PIP5K1B: variants seen among roughly 807,000 people sequenced by gnomAD.
The protein encoded by PIP5K1B is phosphatidylinositol-4-phosphate 5-kinase type 1 beta, also known as phosphatidylinositol 4-phosphate 5-kinase type-1 beta.
A neutral mutation model predicts 67.0 loss-of-function variants in PIP5K1B; 42 were observed. That is an observed-to-expected ratio of 0.63 (90% CI 0.49 to 0.81). The LOEUF (loss-of-function observed/expected upper bound fraction) is 0.81, where lower values mean the gene tolerates loss of function less well. PIP5K1B is among the 30% of genes least tolerant of loss of function. The pLI is 0.00. For missense variants in PIP5K1B, 459 were observed against 646.3 expected, an observed-to-expected ratio of 0.71 and a Z score of 3.14; for synonymous variants, 214 against 231.4, an observed-to-expected ratio of 0.92 and a Z score of 0.68.
At chr9:68,874,142 C>G (rs1823762281) in intron 5 of PIP5K1B, among the ~76,000 whole-genome samples, 1 of 152,126 alleles carries the variant, frequency 6.6e-6, no homozygotes, top group South Asian at 2.1e-4. Context: ...TATGATGCCT[C>G]CATTAAGTAT....
intron 8 of PIP5K1B, among the ~76,000 whole-genome samples, chr9:68,896,890 C>T (rs760876435): frequency 1.3e-5 from 2 of 152,188 alleles, no homozygotes; most frequent in Non-Finnish European, 2.9e-5. Context: ...AATGCCCATC[C>T]TCGTGATGGA....
intron 2 of PIP5K1B, among the ~76,000 whole-genome samples, chr9:68,744,879 C>A (rs550732680): frequency 2.0e-5 from 3 of 152,192 alleles, no homozygotes; most frequent in African/African-American, 2.4e-5. Flanking sequence ...AGAAAGCCCA[C>A]CAATCCATTC....
At chr9:68,932,443 C>CA (rs796187931) in intron 12 of PIP5K1B, among the ~76,000 whole-genome samples, 2 of 151,568 alleles carry the variant, frequency 1.3e-5, no homozygotes, top group African/African-American at 2.4e-5. Flanking sequence ...TACCAGTTAA[C>CA]AAAAAAAATT....
chr9:68,776,182 T>C (rs930089883), intron 2 of PIP5K1B, among the ~76,000 whole-genome samples: 1 of 152,248 alleles, frequency 6.6e-6, no homozygotes, highest in Non-Finnish European at 1.5e-5. Flanking sequence ...TTGAGGTATT[T>C]GCCAGCCCAT....
chr9:68,748,172 TA>T, intron 2 of PIP5K1B, among the ~76,000 whole-genome samples: 1 of 152,200 alleles, frequency 6.6e-6, no homozygotes, highest in Non-Finnish European at 1.5e-5. Flanking sequence ...TGCTTTCACT[TA>T]GCGTAATGTG....
At chr9:68,777,443 C>G (rs1023986322) in intron 2 of PIP5K1B, among the ~76,000 whole-genome samples, 2 of 152,148 alleles carry the variant, frequency 1.3e-5, no homozygotes, top group African/African-American at 4.8e-5. Flanking sequence ...AAGGGGCATG[C>G]AAATGTAGAC....
intron 4 of PIP5K1B, among the ~76,000 whole-genome samples, chr9:68,823,363 A>T (rs1021052189): frequency 6.6e-6 from 1 of 152,150 alleles, no homozygotes; most frequent in Non-Finnish European, 1.5e-5. Flanking sequence ...GAGGGCATGC[A>T]GTGTTCTGTG....
At chr9:68,900,822 T>TCATTAAA (rs1825319957) in intron 8 of PIP5K1B, among the ~76,000 whole-genome samples, 1 of 152,196 alleles carries the variant, frequency 6.6e-6, no homozygotes, top group Admixed American at 6.5e-5. Flanking sequence ...ATGAAACCAG[T>TCATTAAA]CTCAAGAATA....
chr9:68,816,843 TA>T (rs1259784013), intron 2 of PIP5K1B, among the ~76,000 whole-genome samples: 1 of 152,134 alleles, frequency 6.6e-6, no homozygotes, highest in East Asian at 1.9e-4. Context: ...AACATCAGGT[TA>T]GGGGGAGCTC....
intron 2 of PIP5K1B, chr9:68,789,411 C>A (rs1831830300): frequency 2.0e-5 from 9 of 452,730 alleles, no homozygotes; most frequent in Non-Finnish European, 3.9e-5. Context: ...GAAATGTGTC[C>A]ACTACTCAGT....
At chr9:68,939,074 G>A (rs892808977) in intron 13 of PIP5K1B, among the ~76,000 whole-genome samples, 6 of 152,220 alleles carry the variant, frequency 3.9e-5, no homozygotes, top group Non-Finnish European at 8.8e-5. Context: ...AGCTCATCAT[G>A]TCTGCAGGCC....
intron 2 of PIP5K1B, among the ~76,000 whole-genome samples, chr9:68,811,454 T>C (rs1327859031): frequency 6.6e-6 from 1 of 152,112 alleles, no homozygotes; most frequent in Non-Finnish European, 1.5e-5. Flanking sequence ...AGAAGGTAGA[T>C]GAGAAAAACC....
At chr9:68,780,471 C>T (rs1831199679) in intron 2 of PIP5K1B, 1 of 1,614,210 alleles carries the variant, frequency 6.2e-7, no homozygotes, top group Non-Finnish European at 8.5e-7. Context: ...AGAGACGGTC[C>T]ACGAACGGGA....
chr9:68,737,324 G>T (rs1828786750), intron 1 of PIP5K1B, among the ~76,000 whole-genome samples: 1 of 152,186 alleles, frequency 6.6e-6, no homozygotes, highest in South Asian at 2.1e-4. Context: ...TGAGAATAGT[G>T]TTATGTTTAT....
At chr9:68,709,637 G>A (rs182610484) in intron 1 of PIP5K1B, among the ~76,000 whole-genome samples, 27 of 152,322 alleles carry the variant, frequency 1.8e-4, no homozygotes, top group African/African-American at 5.5e-4. Flanking sequence ...AGAGGAAACT[G>A]TTCAAATAGA....
intron 2 of PIP5K1B, among the ~76,000 whole-genome samples, chr9:68,793,591 G>A (rs1832121146): frequency 6.6e-6 from 1 of 152,152 alleles, no homozygotes; most frequent in Admixed American, 6.5e-5. Flanking sequence ...ACAACGGGAA[G>A]GATTGGAGTT....
At position 68,919,581 on chromosome 9, in the gene PIP5K1B, G is replaced by A. The variant is rs769180354; in HGVS notation, c.1067+19G>A. On this transcript the variant is annotated intron_variant, in intron 10 of 15. Coordinates refer to ENST00000265382, the MANE Select transcript of PIP5K1B (RefSeq NM_003558.4). ...CATATAGGTAAGAAGTTTGAGGAGTGGTCTTTTATTATTTCAAAATCAATC... is the reference window on the plus strand; with the variant it reads ...CATATAGGTAAGAAGTTTGAGGAGTAGTCTTTTATTATTTCAAAATCAATC... The A allele has an allele frequency of 3.5e-5, 51 of 1,450,964 alleles. No individual in the cohort carries two copies. In the South Asian group the frequency reaches 6.0e-4, roughly 17 times the overall value. The allele number at this position is 1,450,964 out of a possible 1,614,324, so 89.9% of individuals were successfully genotyped here. A position where few individuals can be genotyped will look rare whatever the true frequency, so the allele number is the denominator to read the frequency against.
At position 68,894,517 on chromosome 9, in the gene PIP5K1B, A is replaced by G. The variant is rs1824978505; in HGVS notation, c.650A>G (p.Glu217Gly). ...TATAAGCGAAGAGCATCCCGTAAAG[A>G]GAGAGAGAAATCCAACCCCACATTT... Reference protein sequence around the residue: ...STYKRRASRKEREKSNPTFKD... With the variant: ...STYKRRASRKGREKSNPTFKD... The change falls in exon 8 of 16, where the codon GAG becomes GGG. Residue 217 changes from glutamate (E) to glycine (G), a missense_variant. Physicochemically the swap from Glu to Gly is moderately conservative, Grantham distance 98. Coordinates refer to ENST00000265382, the MANE Select transcript of PIP5K1B (RefSeq NM_003558.4). 1 of 1,614,066 alleles carries G rather than the reference A, an allele frequency of 6.2e-7. No homozygotes were observed. Among genetic ancestry groups the G allele is most frequent in the Admixed American group, 1.7e-5 (1 of 60,008 alleles).
intron 14 of PIP5K1B, among the ~76,000 whole-genome samples, chr9:68,957,059 A>G (rs573320212): frequency 2.0e-3 from 297 of 152,292 alleles, no homozygotes; most frequent in Admixed American, 5.0e-3. Context: ...TAGGGTGGGT[A>G]CAGCTGCACA....
Sources: allele counts gnomAD v4.1 joint callset (sites outside exome capture counted in the v4.1 genomes callset), GRCh38; gene constraint gnomAD v4.1.1; transcripts MANE v1.5; gene names NCBI Gene and HGNC (gene_info 2026-07-23, HGNC 2026-07-21).